Variants in WWOX observed in about 807,000 individuals in gnomAD.
The protein encoded by WWOX is WW domain containing oxidoreductase.
WWOX carries 69 observed loss-of-function variants against 46.2 expected under a neutral mutation model. The observed-to-expected ratio is 1.49, with a 90% CI of 1.23 to 1.82. The LOEUF (loss-of-function observed/expected upper bound fraction) is 1.82. WWOX is among the 40% of genes most tolerant of loss of function. The pLI, the probability that WWOX is intolerant of heterozygous loss-of-function variation, is 0.00. For missense variants in WWOX, 919 were observed against 542.6 expected, an observed-to-expected ratio of 1.69 and a Z score of -6.89; for synonymous variants, 359 against 202.6, an observed-to-expected ratio of 1.77 and a Z score of -6.56.
chr16:78,388,181 C>T (rs953643937), intron 6 of WWOX, among the ~76,000 whole-genome samples: 1 of 152,162 alleles, frequency 6.6e-6, no homozygotes, highest in Non-Finnish European at 1.5e-5. Flanking sequence ...CAGATGCCTG[C>T]CACCATGGCC....
Position 78,350,579 on chromosome 16 carries a change from C to A in WWOX, c.517-36281C>A, listed in dbSNP as rs185405223. ...ACTGTGTGGCCCTTTGTGTCTCGAT[C>A]CTTACACTTAGCATCATGTTTTCAA... On this transcript the variant is annotated intron_variant, in intron 5 of 8. Transcript: ENST00000566780. Among the ~76,000 whole-genome samples, 6 of 120,806 alleles carry A rather than the reference C, an allele frequency of 5.0e-5. No homozygotes were observed. The East Asian group carries it at 5.8e-4, about 12-fold the overall frequency. 79.3% of individuals were successfully genotyped at this position (120,806 alleles called of 152,430 possible). A position where few individuals can be genotyped will look rare whatever the true frequency, so the allele number is the denominator to read the frequency against.
chr16:78,774,526 G>T (rs994663127), intron 8 of WWOX, among the ~76,000 whole-genome samples: 1 of 148,738 alleles, frequency 6.7e-6, no homozygotes, highest in Middle Eastern at 3.4e-3. Flanking sequence ...GTGTGTGTGT[G>T]TGTGTGCGCG....
chr16:78,401,658 GA>G, intron 6 of WWOX, among the ~76,000 whole-genome samples: 2 of 152,142 alleles, frequency 1.3e-5, no homozygotes, highest in Middle Eastern at 6.8e-3. Context: ...AGAGCCCAGG[GA>G]TTTTTTTTTT....
intron 8 of WWOX, among the ~76,000 whole-genome samples, chr16:79,120,869 A>G (rs2049616061): frequency 6.6e-6 from 1 of 152,206 alleles, no homozygotes; most frequent in African/African-American, 2.4e-5. Flanking sequence ...CCCAGGCTTA[A>G]GTAATTCTCC....
intron 4 of WWOX, among the ~76,000 whole-genome samples, chr16:78,138,828 A>G (rs1214628772): frequency 6.6e-6 from 1 of 152,178 alleles, no homozygotes; most frequent in African/African-American, 2.4e-5. Flanking sequence ...GTGGGGAGCA[A>G]GTGCTCAAAA....
intron 8 of WWOX, among the ~76,000 whole-genome samples, chr16:78,913,591 T>G (rs2045168699): frequency 6.6e-6 from 1 of 151,832 alleles, no homozygotes; most frequent in African/African-American, 2.4e-5. Context: ...GGACTTGATG[T>G]GAGAAATCTT....
Position 78,422,812 on chromosome 16 carries a change from T to C in WWOX, c.606-2058T>C, listed in dbSNP as rs577185788. ...ACACACACATATATATACACACACA[T>C]ATATATACACACACATATATATATA... On this transcript the variant is annotated intron_variant, in intron 6 of 8. Coordinates refer to ENST00000566780, the MANE Select transcript of WWOX (RefSeq NM_016373.4). 3.8e-3 allele frequency among the ~76,000 whole-genome samples: 460 copies of C among 120,918 alleles called. 9 individuals are homozygous for C. Among genetic ancestry groups the C allele is most frequent in the Middle Eastern group, 0.012 (3 of 246 alleles). 79.3% of individuals were successfully genotyped at this position (120,918 alleles called of 152,430 possible).
At chr16:78,671,215 G>GC (rs2047455485) in intron 8 of WWOX, among the ~76,000 whole-genome samples, 1 of 152,138 alleles carries the variant, frequency 6.6e-6, no homozygotes, top group Non-Finnish European at 1.5e-5. Context: ...TTCAACCCAG[G>GC]AGTTCGAGAC....
intron 4 of WWOX, among the ~76,000 whole-genome samples, chr16:78,160,589 T>C (rs1476425197): frequency 6.6e-6 from 1 of 152,244 alleles, no homozygotes; most frequent in Non-Finnish European, 1.5e-5. Flanking sequence ...TACATATATT[T>C]CCAGAAATGA....
chr16:79,027,866 T>C (rs118142464), intron 8 of WWOX, among the ~76,000 whole-genome samples: 81 of 152,004 alleles, frequency 5.3e-4, no homozygotes, highest in Non-Finnish European at 1.0e-3. Flanking sequence ...AAACAGCACG[T>C]GTCTTAGGCT....
At chr16:78,232,832 T>C (rs540297856) in intron 5 of WWOX, among the ~76,000 whole-genome samples, 1 of 102,642 alleles carries the variant, frequency 9.7e-6, no homozygotes, top group South Asian at 3.8e-4. Flanking sequence ...GCTGTTTTTC[T>C]TTTTCTTTCT....
intron 5 of WWOX, among the ~76,000 whole-genome samples, chr16:78,375,002 C>G (rs75420126): frequency 0.013 from 1,995 of 152,248 alleles, 37 homozygotes; most frequent in African/African-American, 0.044. Context: ...TCTGTCTTTA[C>G]TGGTATTATG....
intron 5 of WWOX, among the ~76,000 whole-genome samples, chr16:78,372,591 G>C (rs1000331918): frequency 6.6e-5 from 10 of 152,194 alleles, no homozygotes; most frequent in African/African-American, 2.4e-4. Flanking sequence ...GGTCCCATCT[G>C]AACTGGATCT....
chr16:78,371,872 T>C (rs186881329), intron 5 of WWOX, among the ~76,000 whole-genome samples: 1 of 152,344 alleles, frequency 6.6e-6, no homozygotes, highest in Non-Finnish European at 1.5e-5. Flanking sequence ...CAAGGATAGC[T>C]GCTAGGACAA....
chr16:78,471,548 A>G (rs2084221144), intron 8 of WWOX, among the ~76,000 whole-genome samples: 1 of 152,202 alleles, frequency 6.6e-6, no homozygotes, highest in Non-Finnish European at 1.5e-5. Context: ...TCAGAACTTT[A>G]CATCCTCCAT....
At chr16:78,649,861 T>A (rs1230461867) in intron 8 of WWOX, among the ~76,000 whole-genome samples, 1 of 152,250 alleles carries the variant, frequency 6.6e-6, no homozygotes, top group Non-Finnish European at 1.5e-5. Context: ...TGACCTTGTC[T>A]TCCACATATG....
chr16:78,533,114 C>G (rs1340341006), intron 8 of WWOX, among the ~76,000 whole-genome samples: 1 of 152,088 alleles, frequency 6.6e-6, no homozygotes, highest in Non-Finnish European at 1.5e-5. Context: ...AGAACTCCTC[C>G]CAGTGCCTCT....
At chr16:78,188,761 G>A (rs1427425806) in intron 5 of WWOX, among the ~76,000 whole-genome samples, 1 of 152,078 alleles carries the variant, frequency 6.6e-6, no homozygotes, top group African/African-American at 2.4e-5. Context: ...GATCCTTCAT[G>A]GCTACTGGGG....
intron 8 of WWOX, among the ~76,000 whole-genome samples, chr16:78,867,765 C>T (rs1239942378): frequency 2.0e-5 from 3 of 152,088 alleles, no homozygotes; most frequent in African/African-American, 7.2e-5. Flanking sequence ...AATTGTGGAA[C>T]TAATTTTTAT....
Sources: gnomAD v4.1 joint callset for allele counts (sites outside exome capture counted in the v4.1 genomes callset) on GRCh38, gnomAD v4.1.1 for gene constraint, MANE v1.5 for transcripts, NCBI Gene and HGNC (gene_info 2026-07-23, HGNC 2026-07-21) for gene names.